PICALM: variants seen among roughly 807,000 people sequenced by gnomAD.
The protein encoded by PICALM is phosphatidylinositol binding clathrin assembly protein.
PICALM carries 40 observed loss-of-function variants against 80.5 expected under a neutral mutation model. That is an observed-to-expected ratio of 0.50 (90% CI 0.39 to 0.65). The LOEUF (loss-of-function observed/expected upper bound fraction) is 0.65, where lower values mean the gene tolerates loss of function less well. Ranked by LOEUF, PICALM falls within the 30% of genes least tolerant of loss-of-function variation. The pLI is 0.00. For missense variants in PICALM, 676 were observed against 778.9 expected, an observed-to-expected ratio of 0.87 and a Z score of 1.57; for synonymous variants, 288 against 260.3, an observed-to-expected ratio of 1.11 and a Z score of -1.02.
intron 8 of PICALM, among the ~76,000 whole-genome samples, chr11:86,005,146 C>T (rs931016522): frequency 1.3e-5 from 2 of 152,154 alleles, no homozygotes; most frequent in African/African-American, 2.4e-5. Flanking sequence ...TGTCCAAGAT[C>T]ACATATCTGA....
At chr11:86,040,988 CAA>C (rs1490270782) in intron 1 of PICALM, among the ~76,000 whole-genome samples, 1 of 152,084 alleles carries the variant, frequency 6.6e-6, no homozygotes, top group Admixed American at 6.6e-5. Context: ...TCAGAGATGG[CAA>C]AAAGACCAGG....
chr11:86,013,134 T>C (rs747340568), intron 5 of PICALM, among the ~76,000 whole-genome samples: 2 of 152,000 alleles, frequency 1.3e-5, no homozygotes, highest in East Asian at 3.9e-4. Flanking sequence ...CAGCAAGACC[T>C]TGTCTCTACA....
At chr11:85,986,926 A>G (rs1368551579) in intron 13 of PICALM, among the ~76,000 whole-genome samples, 1 of 152,202 alleles carries the variant, frequency 6.6e-6, no homozygotes, top group Non-Finnish European at 1.5e-5. Context: ...ACCAGCACCA[A>G]TCCACAGTTT....
Position 86,001,143 on chromosome 11 carries a change from G to C in PICALM, c.909C>G (p.Ser303=), listed in dbSNP as rs1170696251. The C allele has an allele frequency of 6.2e-7, 1 of 1,613,808 alleles. No homozygotes were observed. The highest frequency in any genetic ancestry group is 1.1e-5 in the South Asian group (1 of 91,032). ...TGCTTGCCAGGGAAGACACTGCATT[G>C]GAAAGTGTAGTTGCCCTAGGATAAT... ...STAASRATTL[S]NAVSSLASTG... The change falls in exon 10 of 20, where the codon TCC becomes TCG. Residue 303 remains serine, a synonymous_variant. Coordinates refer to ENST00000393346, the MANE Select transcript of PICALM (RefSeq NM_007166.4).
intron 4 of PICALM, among the ~76,000 whole-genome samples, chr11:86,017,505 TTGAG>T (rs1565427974): frequency 6.6e-6 from 1 of 152,234 alleles, no homozygotes; most frequent in African/African-American, 2.4e-5. Context: ...AGTTCATTTG[TTGAG>T]TGTTTGTTAT....
intron 18 of PICALM, among the ~76,000 whole-genome samples, chr11:85,975,419 CTAG>C (rs1165834315): frequency 6.6e-6 from 1 of 151,964 alleles, no homozygotes; most frequent in Non-Finnish European, 1.5e-5. Context: ...TAAAATTAAC[CTAG>C]TAAGTGACAA....
intron 1 of PICALM, among the ~76,000 whole-genome samples, chr11:86,065,196 C>T (rs1217070153): frequency 6.6e-6 from 1 of 151,986 alleles, no homozygotes. Context: ...GTCTGTAATC[C>T]CAGCCCTTTG....
At chr11:86,000,955 T>A in intron 10 of PICALM, 80 bp downstream of exon 10, 1 of 1,557,898 alleles carries the variant, frequency 6.4e-7, no homozygotes. Context: ...CATTTAAGAC[T>A]CTAAGTCTGT....
intron 12 of PICALM, among the ~76,000 whole-genome samples, chr11:85,994,547 AAGAAC>A (rs2094896487): frequency 6.6e-6 from 1 of 152,254 alleles, no homozygotes; most frequent in South Asian, 2.1e-4. Flanking sequence ...AAGCCAATAA[AAGAAC>A]AGTACAAGAT....
intron 17 of PICALM, 85 bp downstream of exon 17, chr11:85,981,044 T>C (rs2094427763): frequency 1.4e-6 from 1 of 716,000 alleles, no homozygotes; most frequent in Non-Finnish European, 2.5e-6. Context: ...CTTCTATTTA[T>C]GTCTATCACT....
chr11:86,001,145 A>G lies in PICALM; in HGVS notation c.907T>C (p.Ser303Pro). The G allele has an allele frequency of 6.2e-7, 1 of 1,613,826 alleles. No individual in the cohort carries two copies. The highest frequency in any genetic ancestry group is 2.2e-5 in the East Asian group (1 of 44,880). Residue 303 changes from serine (S) to proline (P), a missense_variant, in exon 10 of 20, where the codon TCC (serine) becomes CCC (proline). Around this residue, in one of 2 missense-constraint regions of PICALM, gnomAD observed 285 missense variants for 395.4 expected, o/e 0.72. Coordinates refer to ENST00000393346, the MANE Select transcript of PICALM (RefSeq NM_007166.4). ...CTTGCCAGGGAAGACACTGCATTGG[A>G]AAGTGTAGTTGCCCTAGGATAATTG... ...STAASRATTL[S>P]NAVSSLASTG...
intron 19 of PICALM, among the ~76,000 whole-genome samples, chr11:85,968,432 T>A (rs1233692446): frequency 6.6e-6 from 1 of 152,192 alleles, no homozygotes; most frequent in Non-Finnish European, 1.5e-5. Context: ...AGTGGGAATT[T>A]TTCATATAAG....
chr11:86,066,590 C>G (rs2096451383), intron 1 of PICALM, among the ~76,000 whole-genome samples: 1 of 152,060 alleles, frequency 6.6e-6, no homozygotes, highest in African/African-American at 2.4e-5. Flanking sequence ...ATTTTCTCCT[C>G]TTTTTGACAA....
intron 1 of PICALM, among the ~76,000 whole-genome samples, chr11:86,064,334 C>T (rs1012505264): frequency 1.3e-5 from 2 of 151,928 alleles, no homozygotes; most frequent in South Asian, 4.2e-4. Context: ...ATGAAATGTC[C>T]CTGTAAATTA....
intron 6 of PICALM, among the ~76,000 whole-genome samples, chr11:86,011,380 C>T (rs946003112): frequency 2.0e-5 from 3 of 152,140 alleles, no homozygotes; most frequent in Admixed American, 2.0e-4. Flanking sequence ...AGTACTTTTC[C>T]TCACAATTAC....
intron 12 of PICALM, among the ~76,000 whole-genome samples, chr11:85,992,991 A>G (rs2094838061): frequency 6.6e-6 from 1 of 152,246 alleles, no homozygotes; most frequent in Non-Finnish European, 1.5e-5. Context: ...TGGACATTAC[A>G]CTATAATAAT....
chr11:86,024,008 T>C (rs772328516), intron 3 of PICALM, among the ~76,000 whole-genome samples: 2 of 152,000 alleles, frequency 1.3e-5, no homozygotes, highest in Non-Finnish European at 2.9e-5. Context: ...GGTGCACATC[T>C]GTAATCCCAG....
chr11:85,986,419 T>C (rs923298229), intron 13 of PICALM, among the ~76,000 whole-genome samples: 1 of 123,466 alleles, frequency 8.1e-6, no homozygotes, highest in African/African-American at 3.1e-5. Context: ...AGTCTCGCTC[T>C]GTCACCCAGG....
At chr11:85,990,537 A>C in intron 12 of PICALM, 138 bp from the exon 13 acceptor site, 1 of 421,126 alleles carries the variant, frequency 2.4e-6, no homozygotes, top group Non-Finnish European at 4.1e-6. Flanking sequence ...ATTATCAAAA[A>C]CAAAAAATAC....
Sources: gnomAD v4.1 joint callset for allele counts (sites outside exome capture counted in the v4.1 genomes callset) on GRCh38, gnomAD v4.1.1 for gene constraint, gnomAD v4.1.1 regional missense constraint, MANE v1.5 for transcripts, NCBI Gene and HGNC (gene_info 2026-07-23, HGNC 2026-07-21) for gene names.